EMC10: variants seen among roughly 807,000 people sequenced by gnomAD.
The protein encoded by EMC10 is ER membrane protein complex subunit 10.
In EMC10, 40 loss-of-function variants were observed where a neutral mutation model predicts 32.2. The observed-to-expected ratio is 1.24, with a 90% CI of 0.96 to 1.61. EMC10 has a LOEUF of 1.61. Ranked by LOEUF, EMC10 falls within the 40% of genes most tolerant of loss-of-function variation. The pLI, the probability that EMC10 is intolerant of heterozygous loss-of-function variation, is 0.00. For missense variants in EMC10, 402 were observed against 357.7 expected, an observed-to-expected ratio of 1.12 and a Z score of -1.00; for synonymous variants, 178 against 158.4, an observed-to-expected ratio of 1.12 and a Z score of -0.93.
Position 50,489,131 on chromosome 19 carries a change from C to G in EMC10, c.*6872C>G, listed in dbSNP as rs1338363301. 2.0e-5 allele frequency: 3 copies of G among 151,202 alleles called. No homozygotes were observed. The highest frequency in any genetic ancestry group is 4.9e-5 in the African/African-American group (2 of 40,882). 9.4% of individuals were successfully genotyped at this position (151,202 alleles called of 1,614,324 possible). A position where few individuals can be genotyped will look rare whatever the true frequency, so the allele number is the denominator to read the frequency against. Reference sequence around the variant, plus strand: ...GAAGTTAAGAAGGGAAGGAGAGAGACAGACATTAGGGAAGAAGGAAAGGAG... The same window carrying G: ...GAAGTTAAGAAGGGAAGGAGAGAGAGAGACATTAGGGAAGAAGGAAAGGAG... On this transcript the variant is annotated 3_prime_UTR_variant, in exon 7 of 7. Coordinates refer to ENST00000334976, the MANE Select transcript of EMC10 (RefSeq NM_206538.4).
chr19:50,485,676 T>G lies in EMC10; in HGVS notation c.*3417T>G, dbSNP rs1464486052. 6.5e-6 allele frequency: 1 copy of G among 154,138 alleles called. No homozygotes were observed. The highest frequency in any genetic ancestry group is 6.5e-5 in the Admixed American group (1 of 15,298). 9.5% of individuals were successfully genotyped at this position (154,138 alleles called of 1,614,324 possible). On this transcript the variant is annotated 3_prime_UTR_variant, in exon 7 of 7. Transcript: ENST00000334976. The stretch of plus-strand genomic sequence containing the variant: ...TGGACCATCGGCCCAGCCTCCTCTT[T>G]GGCCTCCCAGCCCCCAACATCCCCC...
chr19:50,482,451 G>A lies in EMC10; in HGVS notation c.*192G>A. 1 of 589,108 alleles carries A rather than the reference G, an allele frequency of 1.7e-6. No individual in the cohort carries two copies. 36.5% of individuals were successfully genotyped at this position (589,108 alleles called of 1,614,324 possible). A position where few individuals can be genotyped will look rare whatever the true frequency, so the allele number is the denominator to read the frequency against. On this transcript the variant is annotated 3_prime_UTR_variant, in exon 7 of 7. Transcript: ENST00000334976. Reference sequence around the variant, plus strand: ...AGGAGCAGCTGGACTGGGGCCTTTGGCACAGCAGCCGGTGTCTCCTGCGCC... The same window carrying A: ...AGGAGCAGCTGGACTGGGGCCTTTGACACAGCAGCCGGTGTCTCCTGCGCC...
In EMC10 at chr19:50,480,294, AC is replaced by A; in HGVS notation, c.402+83del. 1 of 1,406,050 alleles carries A rather than the reference AC, an allele frequency of 7.1e-7. No homozygotes were observed. Among genetic ancestry groups the A allele is most frequent in the Non-Finnish European group, 9.8e-7 (1 of 1,016,790 alleles). The allele number at this position is 1,406,050 out of a possible 1,614,324, so 87.1% of individuals were successfully genotyped here. On this transcript the variant is annotated intron_variant, in intron 4 of 6. Transcript: ENST00000334976. This position sits in a 1 kb window ranked among gnomAD's most constrained non-coding sequence, Gnocchi z 4.4. The stretch of plus-strand genomic sequence containing the variant: ...CCCTGGTCCTGCTTCCACCATTCGA[AC>A]CCCTGTGTTTCTGGAGCCCGCAGAG...
chr19:50,478,089 ACATTTACTAACAAC>A (rs1415938444), intron 2 of EMC10, 88 bp downstream of exon 2: 9 of 1,060,518 alleles, frequency 8.5e-6, no homozygotes, highest in South Asian at 3.1e-5. Context: ...CCGTCGTATG[ACATTTACTAACAAC>A]CATTTACTAA....
rs1978476882 is a variant in EMC10, at chr19:50,488,571, G to A, written c.*6312G>A. On this transcript the variant is annotated 3_prime_UTR_variant, in exon 7 of 7. Coordinates refer to ENST00000334976, the MANE Select transcript of EMC10 (RefSeq NM_206538.4). Reference sequence around the variant, plus strand: ...GGGTGGGGGAGAGGGTGTTGGGGGAGAAGAGGGTGGGGGAGAGGGGGCCCC... The same window carrying A: ...GGGTGGGGGAGAGGGTGTTGGGGGAAAAGAGGGTGGGGGAGAGGGGGCCCC... The A allele has an allele frequency of 8.6e-6, 1 of 116,902 alleles. No homozygotes were observed. The highest frequency in any genetic ancestry group is 3.2e-5 in the African/African-American group (1 of 31,332). 7.2% of individuals were successfully genotyped at this position (116,902 alleles called of 1,614,324 possible).
At chr19:50,476,883 T>G in intron 1 of EMC10, 1 of 427,790 alleles carries the variant, frequency 2.3e-6, no homozygotes, top group Non-Finnish European at 4.1e-6. Flanking sequence ...CGGAAGGCTC[T>G]GGCTCGGGAA....
In EMC10 at chr19:50,480,796, A is replaced by G. The variant is rs765460348; in HGVS notation, c.584+34A>G. 2.1e-5 allele frequency: 33 copies of G among 1,569,354 alleles called. No individual in the cohort carries two copies. The highest frequency in any genetic ancestry group is 2.8e-5 in the Non-Finnish European group (32 of 1,155,446). On this transcript the variant is annotated intron_variant, in intron 5 of 6. Coordinates refer to ENST00000334976, the MANE Select transcript of EMC10 (RefSeq NM_206538.4). The surrounding 1 kb of genome is among the most constrained non-coding windows in gnomAD (Gnocchi z 4.4). ...CTGCTGCCTTCGCGGCGCTCTTGCC[A>G]CCTGCCCCGGCCCTTCCTGGCGGCC...
At position 50,484,881 on chromosome 19, in the gene EMC10, A is replaced by T. The variant is rs905571376; in HGVS notation, c.*2622A>T. 3 of 151,998 alleles carry T rather than the reference A, an allele frequency of 2.0e-5. No homozygotes were observed. Among genetic ancestry groups the T allele is most frequent in the African/African-American group, 4.8e-5 (2 of 41,368 alleles). 9.4% of individuals were successfully genotyped at this position (151,998 alleles called of 1,614,324 possible). On this transcript the variant is annotated 3_prime_UTR_variant, in exon 7 of 7. Coordinates refer to ENST00000334976, the MANE Select transcript of EMC10 (RefSeq NM_206538.4). ...ATCCACGTCCAGAAACTGTATGCTCACTCTGGGCTCCAGCACCCACTTCCC... is the reference window on the plus strand; with the variant it reads ...ATCCACGTCCAGAAACTGTATGCTCTCTCTGGGCTCCAGCACCCACTTCCC...
intron 3 of EMC10, among the ~76,000 whole-genome samples, chr19:50,479,590 G>A (rs1482973863): frequency 6.6e-6 from 1 of 152,214 alleles, no homozygotes; most frequent in East Asian, 1.9e-4. Flanking sequence ...TTTAGAGAAA[G>A]CTTGCAAAAG....
chr19:50,482,537 C>T lies in EMC10; in HGVS notation c.*278C>T, dbSNP rs1173252828. ...TCCCCCCTGCCCATGGAGTAGAGCCCGAGATCCTGGCCACTATGCCAGTTC... is the reference window on the plus strand; with the variant it reads ...TCCCCCCTGCCCATGGAGTAGAGCCTGAGATCCTGGCCACTATGCCAGTTC... On this transcript the variant is annotated 3_prime_UTR_variant, in exon 7 of 7. Transcript: ENST00000334976. 9 of 553,160 alleles carry T rather than the reference C, an allele frequency of 1.6e-5. No homozygotes were observed. Among genetic ancestry groups the T allele is most frequent in the East Asian group, 3.1e-5 (1 of 32,394 alleles). 34.3% of individuals were successfully genotyped at this position (553,160 alleles called of 1,614,324 possible). A position where few individuals can be genotyped will look rare whatever the true frequency, so the allele number is the denominator to read the frequency against.
rs1329171327 is a variant in EMC10, at chr19:50,482,376, C to T, written c.*117C>T. ...TTGCTGGTCCCTCCTTTCCCCCCGT[C>T]CCACGAGGCCACCTGGGCCAGCCCC... On this transcript the variant is annotated 3_prime_UTR_variant, in exon 7 of 7. Transcript: ENST00000334976. 2 of 614,718 alleles carry T rather than the reference C, an allele frequency of 3.3e-6. No individual in the cohort carries two copies. The highest frequency in any genetic ancestry group is 2.9e-5 in the Admixed American group (1 of 34,960). 38.1% of individuals were successfully genotyped at this position (614,718 alleles called of 1,614,324 possible).
chr19:50,478,957 A>G lies in EMC10; in HGVS notation c.188A>G (p.Asp63Gly). 6.2e-7 allele frequency: 1 copy of G among 1,604,130 alleles called. No individual in the cohort carries two copies. Among genetic ancestry groups the G allele is most frequent in the Non-Finnish European group, 8.5e-7 (1 of 1,175,988 alleles). ...GLLLEHSFEIDDSANFRKRGS... is the reference protein window; with the variant it reads ...GLLLEHSFEIGDSANFRKRGS... ...GTCTCTGAACCTGAGCTCCTCACAG[A>G]TGACAGTGCCAACTTCCGGAAGCGG... Residue 63 changes from aspartate (D) to glycine (G), a missense_variant and splice_region_variant, in exon 3 of 7, where the codon GAT becomes GGT. Coordinates refer to ENST00000334976, the MANE Select transcript of EMC10 (RefSeq NM_206538.4).
At chr19:50,481,236 G>C (rs2040315102) in intron 6 of EMC10, 1 of 453,752 alleles carries the variant, frequency 2.2e-6, no homozygotes, top group East Asian at 3.7e-5. Flanking sequence ...GGAGCCATGA[G>C]GCTGGAGAGG....
Position 50,484,364 on chromosome 19 carries a change from TCCTGG to T in EMC10, c.*2106_*2110del, listed in dbSNP as rs1356339190. ...TTTGGGAAGTGTTCCCAACTTGGAG[TCCTGG>T]TCCCTGTGTCTGATCTGCAGATGTC... is the stretch of plus-strand genomic sequence containing the variant. On this transcript the variant is annotated 3_prime_UTR_variant, in exon 7 of 7. Coordinates refer to ENST00000334976, the MANE Select transcript of EMC10 (RefSeq NM_206538.4). 2.0e-5 allele frequency: 3 copies of T among 152,034 alleles called. No homozygotes were observed. Among genetic ancestry groups the T allele is most frequent in the Admixed American group, 2.0e-4 (3 of 15,248 alleles). The allele number at this position is 152,034 out of a possible 1,614,324, so 9.4% of individuals were successfully genotyped here. A position where few individuals can be genotyped will look rare whatever the true frequency, so the allele number is the denominator to read the frequency against.
At position 50,482,309 on chromosome 19, in the gene EMC10, TC is replaced by T; in HGVS notation, c.*51del. 1 of 766,150 alleles carries T rather than the reference TC, an allele frequency of 1.3e-6. No individual in the cohort carries two copies. Among genetic ancestry groups the T allele is most frequent in the Non-Finnish European group, 2.2e-6 (1 of 455,434 alleles). The allele number at this position is 766,150 out of a possible 1,614,324, so 47.5% of individuals were successfully genotyped here. A position where few individuals can be genotyped will look rare whatever the true frequency, so the allele number is the denominator to read the frequency against. On this transcript the variant is annotated 3_prime_UTR_variant, in exon 7 of 7. Coordinates refer to ENST00000334976, the MANE Select transcript of EMC10 (RefSeq NM_206538.4). ...TCTTGCACACCCAGGGGCCTCCCTTTCTGCTGGAGTCCCCTGTGTCCTCAGC... is the reference window on the plus strand; with the variant it reads ...TCTTGCACACCCAGGGGCCTCCCTTTTGCTGGAGTCCCCTGTGTCCTCAGC...
At chr19:50,482,110 T>A in intron 6 of EMC10, 39 bp from the exon 7 acceptor site, 10 of 1,407,872 alleles carry the variant, frequency 7.1e-6, no homozygotes, top group Non-Finnish European at 1.0e-5. Context: ...TCTCTCTCTC[T>A]TTCTGTGTCT....
In EMC10 at chr19:50,480,239, C is replaced by A; in HGVS notation, c.402+24C>A. 6.3e-7 allele frequency: 1 copy of A among 1,593,918 alleles called. No homozygotes were observed. Among genetic ancestry groups the A allele is most frequent in the Non-Finnish European group, 8.6e-7 (1 of 1,164,548 alleles). On this transcript the variant is annotated intron_variant, in intron 4 of 6. Coordinates refer to ENST00000334976, the MANE Select transcript of EMC10 (RefSeq NM_206538.4). The surrounding 1 kb of genome is among the most constrained non-coding windows in gnomAD (Gnocchi z 4.4). ...CGGTGAGTTGGTGTCGGGGATGAGC[C>A]CCCTTCTCCCTCGTCCTCCTCATCC...
chr19:50,489,940 A>T lies in EMC10; in HGVS notation c.*7681A>T, dbSNP rs970380584. ...TTGGAAGGGAACTGGAGAATGAGAG[A>T]AGCAACAGGCGGGGTGCGTGTAGGA... On this transcript the variant is annotated 3_prime_UTR_variant, in exon 7 of 7. Transcript: ENST00000334976. 5.9e-5 allele frequency: 9 copies of T among 152,170 alleles called. No homozygotes were observed. Among genetic ancestry groups the T allele is most frequent in the Admixed American group, 3.3e-4 (5 of 15,236 alleles). 9.4% of individuals were successfully genotyped at this position (152,170 alleles called of 1,614,324 possible).
Position 50,480,501 on chromosome 19 carries a change from C to T in EMC10, c.403-80C>T, listed in dbSNP as rs1341472088. On this transcript the variant is annotated intron_variant, in intron 4 of 6. Transcript: ENST00000334976. The surrounding 1 kb of genome is among the most constrained non-coding windows in gnomAD (Gnocchi z 4.4). ...GGTTTTGAAAAATGCTCCGGGGGTC[C>T]TGTGGTGGGGGCCGGGGGAGGTTAG... is the stretch of plus-strand genomic sequence containing the variant. 2.0e-6 allele frequency: 3 copies of T among 1,481,250 alleles called. No homozygotes were observed. The highest frequency in any genetic ancestry group is 2.7e-6 in the Non-Finnish European group (3 of 1,100,388). The allele number at this position is 1,481,250 out of a possible 1,614,324, so 91.8% of individuals were successfully genotyped here.
Sources: gnomAD v4.1 joint callset for allele counts (sites outside exome capture counted in the v4.1 genomes callset) on GRCh38, gnomAD v4.1.1 for gene constraint, Gnocchi (gnomAD v3.1) non-coding constraint, MANE v1.5 for transcripts, NCBI Gene and HGNC (gene_info 2026-07-23, HGNC 2026-07-21) for gene names.